The following LINGO2 variants were observed in gnomAD, a reference collection of about 807,000 sequenced individuals.
The protein encoded by LINGO2 is leucine rich repeat and Ig domain containing 2.
Under a neutral mutation model 30.6 loss-of-function variants are expected in LINGO2, and 14 were observed. That is an observed-to-expected ratio of 0.46 (90% CI 0.30 to 0.72). The LOEUF (loss-of-function observed/expected upper bound fraction) is 0.72. Ranked by LOEUF, LINGO2 falls within the 30% of genes least tolerant of loss-of-function variation. The pLI is 0.07. For missense variants in LINGO2, 729 were observed against 751.7 expected (o/e 0.97, Z 0.35); for synonymous variants, 317 against 288.5 (o/e 1.10, Z -1.00).
chr9:28,430,097 C>CTCGCGT, intron 2 of LINGO2, among the ~76,000 whole-genome samples: 1 of 47,154 alleles, frequency 2.1e-5, no homozygotes, highest in Non-Finnish European at 5.0e-5. Context: ...CTGATTTCCA[C>CTCGCGT]GCGCGCGCGC....
chr9:28,719,792 A>T, the LINGO2 span, among the ~76,000 whole-genome samples: 2 of 152,100 alleles, frequency 1.3e-5, no homozygotes, highest in African/African-American at 4.8e-5. Context: ...ATTAAATATT[A>T]GAAATCAGCA....
At chr9:29,071,184 G>C in the LINGO2 span, among the ~76,000 whole-genome samples, 37 of 105,648 alleles carry the variant, frequency 3.5e-4, no homozygotes, top group African/African-American at 1.3e-3. Flanking sequence ...GTATTGTATT[G>C]TATTGTATTG....
chr9:29,123,528 A>C, the LINGO2 span, among the ~76,000 whole-genome samples: 1,319 of 152,056 alleles, frequency 8.7e-3, 23 homozygotes, highest in African/African-American at 0.03. Context: ...ATCCTATCTT[A>C]TTAGTTAAAA....
chr9:28,426,092 T>C (rs1221747231), intron 2 of LINGO2, among the ~76,000 whole-genome samples: 1 of 152,080 alleles, frequency 6.6e-6, no homozygotes, highest in African/African-American at 2.4e-5. Flanking sequence ...CTACTTAAAA[T>C]GAAATTCTTC....
chr9:28,044,363 A>C (rs1006316050), intron 4 of LINGO2, among the ~76,000 whole-genome samples: 1 of 152,172 alleles, frequency 6.6e-6, no homozygotes, highest in African/African-American at 2.4e-5. Context: ...TTTCCCCATT[A>C]AATCATGTTA....
rs202168985 is a variant in LINGO2, at chr9:28,235,171, CAG to C, written c.-87+60035_-87+60036del. Among the ~76,000 whole-genome samples the C allele has an allele frequency of 5.4e-3, 828 of 152,094 alleles. 11 individuals carry two copies. Among genetic ancestry groups the C allele is most frequent in the African/African-American group, 0.016 (677 of 41,508 alleles). On this transcript the variant is annotated intron_variant, in intron 4 of 5. Transcript: ENST00000379992. The stretch of plus-strand genomic sequence containing the variant: ...ATATGCAGTTTCAAGTGACTCACCA[CAG>C]AGAGAGAGAGAATCTCTACATTTGG...
At chr9:28,146,168 A>G (rs1389048315) in intron 4 of LINGO2, among the ~76,000 whole-genome samples, 1 of 152,226 alleles carries the variant, frequency 6.6e-6, no homozygotes, top group Non-Finnish European at 1.5e-5. Context: ...CTGTACCACA[A>G]TCAGCCCCCT....
the LINGO2 span, among the ~76,000 whole-genome samples, chr9:28,780,829 AAT>A: frequency 2.0e-5 from 2 of 99,328 alleles, no homozygotes; most frequent in African/African-American, 9.6e-5. Context: ...TCTTGGTAGT[AAT>A]GTGTGTGTGT....
At chr9:28,335,665 T>C (rs927838341) in intron 3 of LINGO2, among the ~76,000 whole-genome samples, 16 of 152,148 alleles carry the variant, frequency 1.1e-4, no homozygotes, top group Non-Finnish European at 1.2e-4. Flanking sequence ...ATGCCAACAG[T>C]CAGTAAGCTG....
chr9:28,336,812 T>C (rs1825605623), intron 3 of LINGO2, among the ~76,000 whole-genome samples: 1 of 152,052 alleles, frequency 6.6e-6, no homozygotes, highest in Non-Finnish European at 1.5e-5. Context: ...CACCTCATTT[T>C]CCATAGCAAT....
At chr9:27,956,872 T>C (rs528468707) in intron 5 of LINGO2, among the ~76,000 whole-genome samples, 47 of 152,236 alleles carry the variant, frequency 3.1e-4, no homozygotes, top group African/African-American at 1.1e-3. Context: ...GTGGGAGGAT[T>C]GCTTGAAGCC....
At chr9:28,708,749 G>A in the LINGO2 span, among the ~76,000 whole-genome samples, 1 of 91,074 alleles carries the variant, frequency 1.1e-5, no homozygotes, top group Non-Finnish European at 2.0e-5. Context: ...CCTGCTGTCT[G>A]TTTTAAACTA....
intron 4 of LINGO2, among the ~76,000 whole-genome samples, chr9:28,099,095 A>C (rs963968551): frequency 6.6e-6 from 1 of 152,212 alleles, no homozygotes; most frequent in African/African-American, 2.4e-5. Flanking sequence ...TAGATAGGAC[A>C]GTAGCAATAA....
the LINGO2 span, among the ~76,000 whole-genome samples, chr9:28,894,746 T>C: frequency 6.6e-6 from 1 of 152,052 alleles, no homozygotes; most frequent in African/African-American, 2.4e-5. Context: ...CAAATACAAA[T>C]TGCATATATT....
chr9:28,895,576 C>G, the LINGO2 span, among the ~76,000 whole-genome samples: 1 of 152,184 alleles, frequency 6.6e-6, no homozygotes, highest in Non-Finnish European at 1.5e-5. Flanking sequence ...CTTCCTTTAC[C>G]TCCTTGAATA....
intron 1 of LINGO2, among the ~76,000 whole-genome samples, chr9:28,637,419 C>A (rs1039075707): frequency 7.9e-5 from 12 of 152,214 alleles, no homozygotes; most frequent in Middle Eastern, 3.4e-3. Flanking sequence ...GGAAGTATGG[C>A]CATTTTCATG....
chr9:28,033,588 G>A (rs1342642684), intron 4 of LINGO2, among the ~76,000 whole-genome samples: 1 of 152,064 alleles, frequency 6.6e-6, no homozygotes, highest in Non-Finnish European at 1.5e-5. Flanking sequence ...ATTTCATCAT[G>A]GACTGATGCT....
intron 5 of LINGO2, among the ~76,000 whole-genome samples, chr9:28,005,819 C>A (rs1421047262): frequency 6.6e-6 from 1 of 151,898 alleles, no homozygotes; most frequent in African/African-American, 2.4e-5. Flanking sequence ...AGAGGAGAAA[C>A]AGCTTCATAA....
At chr9:28,476,374 C>G (rs1825728562) in intron 1 of LINGO2, among the ~76,000 whole-genome samples, 1 of 152,188 alleles carries the variant, frequency 6.6e-6, no homozygotes, top group South Asian at 2.1e-4. Flanking sequence ...CTCCCGGGTT[C>G]ACGCCATTCT....
Sources: gnomAD v4.1 joint callset for allele counts (sites outside exome capture counted in the v4.1 genomes callset) on GRCh38, gnomAD v4.1.1 for gene constraint, MANE v1.5 for transcripts, NCBI Gene and HGNC (gene_info 2026-07-23, HGNC 2026-07-21) for gene names.